ZNF333: variants seen among roughly 807,000 people sequenced by gnomAD.
The protein encoded by ZNF333 is zinc finger protein 333.
A neutral mutation model predicts 76.1 loss-of-function variants in ZNF333; 61 were observed. The ratio of observed to expected loss-of-function variants is 0.80; its 90% CI spans 0.65 to 0.99. The LOEUF (loss-of-function observed/expected upper bound fraction) is 0.99, where lower values mean the gene tolerates loss of function less well. ZNF333 is among the 50% of genes least tolerant of loss of function. The pLI, the probability that ZNF333 is intolerant of heterozygous loss-of-function variation, is 0.00. For synonymous variants in ZNF333, 284 were observed against 305.0 expected (o/e 0.93, Z 0.72); for missense variants, 717 against 822.4 (o/e 0.87, Z 1.57).
chr19:14,705,938 G>T (rs553902046), intron 6 of ZNF333, among the ~76,000 whole-genome samples: 1 of 152,108 alleles, frequency 6.6e-6, no homozygotes, highest in African/African-American at 2.4e-5. Flanking sequence ...CTGCTGTAAG[G>T]CACGTCCTGA....
chr19:14,720,685 A>G lies in ZNF333; in HGVS notation c.*1360A>G. On this transcript the variant is annotated 3_prime_UTR_variant, in exon 12 of 12. Coordinates refer to ENST00000292530, the MANE Select transcript of ZNF333 (RefSeq NM_032433.4). The stretch of plus-strand genomic sequence containing the variant: ...ATGCACTTAGTATATGTCAGTTTTT[A>G]TAAATGCTTCATGGATGGTTGAAAT... 1.0e-6 allele frequency: 1 copy of G among 985,410 alleles called. No homozygotes were observed. Among genetic ancestry groups the G allele is most frequent in the African/African-American group, 1.7e-5 (1 of 57,364 alleles). 61.0% of individuals were successfully genotyped at this position (985,410 alleles called of 1,614,324 possible). A position where few individuals can be genotyped will look rare whatever the true frequency, so the allele number is the denominator to read the frequency against.
At position 14,715,519 on chromosome 19, in the gene ZNF333, T is replaced by A. The variant is rs568300434; in HGVS notation, c.600+49T>A. 1.9e-6 allele frequency: 3 copies of A among 1,555,198 alleles called. No homozygotes were observed. In the Admixed American group the frequency reaches 5.1e-5, roughly 27 times the overall value. On this transcript the variant is annotated intron_variant, in intron 8 of 11. Coordinates refer to ENST00000292530, the MANE Select transcript of ZNF333 (RefSeq NM_032433.4). ...AAAGAACACTGCTGTGCCCAAAGGC[T>A]GGACTTACCTTCTTCCTGTGACCTG...
rs755595410 is a variant in ZNF333 at position 14,718,268 on chromosome 19, A to T, written c.941A>T (p.Glu314Val). 43 of 1,613,726 alleles carry T rather than the reference A, an allele frequency of 2.7e-5. No homozygotes were observed. Among genetic ancestry groups the T allele is most frequent in the Non-Finnish European group, 3.6e-5 (43 of 1,179,858 alleles). The change falls in exon 12 of 12, where the codon GAA becomes GTA. Residue 314 changes from glutamate to valine, a missense_variant. By Grantham distance (121) the Glu-to-Val change is moderately radical. Transcript: ENST00000292530. Reference protein sequence around the residue: ...QPGEKLYKYNELEKPFNSIEP... With the variant: ...QPGEKLYKYNVLEKPFNSIEP... ...GGAGAAAAACTCTATAAATATAATG[A>T]ACTTGAGAAACCTTTTAACAGCATT...
At chr19:14,724,698 G>A (rs908688171), downstream of ZNF333, among the ~76,000 whole-genome samples, 4 of 149,806 alleles carry the variant, frequency 2.7e-5, no homozygotes, top group African/African-American at 5.0e-5. Flanking sequence ...CCCAGGAGGC[G>A]GAGGTTGCAG....
chr19:14,724,200 G>A (rs2042619869), downstream of ZNF333, among the ~76,000 whole-genome samples: 1 of 152,162 alleles, frequency 6.6e-6, no homozygotes. Flanking sequence ...CAGGTCTGGG[G>A]ACAAAACAAG....
Position 14,695,777 on chromosome 19 carries a change from C to T in ZNF333, c.223+116C>T, listed in dbSNP as rs548340451. 34 of 809,356 alleles carry T rather than the reference C, an allele frequency of 4.2e-5. No homozygotes were observed. The Middle Eastern group carries it at 7.7e-4, about 18-fold the overall frequency. 50.1% of individuals were successfully genotyped at this position (809,356 alleles called of 1,614,324 possible). On this transcript the variant is annotated intron_variant, in intron 4 of 11. Transcript: ENST00000292530. ...TTCTGAGGGGACATCGAAGGCCATT[C>T]GGAGTGAGGTTTCTCAAGTTCCTTT...
At chr19:14,715,865 G>T (rs1484117853) in intron 8 of ZNF333, among the ~76,000 whole-genome samples, 1 of 152,194 alleles carries the variant, frequency 6.6e-6, no homozygotes, top group African/African-American at 2.4e-5. Context: ...GATAAGTCCT[G>T]TCCAGAGGTC....
downstream of ZNF333, among the ~76,000 whole-genome samples, chr19:14,725,837 GC>G (rs1254142816): frequency 6.6e-6 from 1 of 152,218 alleles, no homozygotes; most frequent in African/African-American, 2.4e-5. Flanking sequence ...TTGAGTGCCT[GC>G]AGGTTTTTCA....
chr19:14,696,456 G>A (rs1445147829), intron 4 of ZNF333, among the ~76,000 whole-genome samples: 2 of 152,042 alleles, frequency 1.3e-5, no homozygotes, highest in African/African-American at 2.4e-5. Context: ...TTTGGTATCC[G>A]GCTTAGTATA....
At chr19:14,710,796 A>T (rs1174098250) in intron 7 of ZNF333, among the ~76,000 whole-genome samples, 1 of 152,112 alleles carries the variant, frequency 6.6e-6, no homozygotes, top group Non-Finnish European at 1.5e-5. Flanking sequence ...AAAAAAATAA[A>T]TAAAAGTAAA....
chr19:14,716,076 G>A, intron 8 of ZNF333, 36 bp from the exon 9 acceptor site: 2 of 1,612,944 alleles, frequency 1.2e-6, no homozygotes. Flanking sequence ...TGGTGGGGGT[G>A]GTCCCTGGCT....
chr19:14,705,328 T>A (rs2042077793), intron 6 of ZNF333, among the ~76,000 whole-genome samples, 158 bp downstream of exon 6: 1 of 152,038 alleles, frequency 6.6e-6, no homozygotes, highest in Non-Finnish European at 1.5e-5. Context: ...TCTGTTTCTG[T>A]GTTGAATATA....
downstream of ZNF333, among the ~76,000 whole-genome samples, chr19:14,723,465 T>C (rs553295567): frequency 6.6e-6 from 1 of 152,350 alleles, no homozygotes; most frequent in East Asian, 1.9e-4. Context: ...TCTGCAAAAA[T>C]ATTAAGTCAT....
chr19:14,703,198 G>A (rs539758993), intron 5 of ZNF333, among the ~76,000 whole-genome samples: 53 of 119,350 alleles, frequency 4.4e-4, no homozygotes, highest in Admixed American at 3.1e-3. Context: ...GCAAGACTCC[G>A]TCTCAAAAAA....
At chr19:14,706,006 G>A (rs754516923) in intron 6 of ZNF333, 15 of 435,954 alleles carry the variant, frequency 3.4e-5, no homozygotes, top group Middle Eastern at 3.4e-4. Flanking sequence ...TCCCTCCCCC[G>A]AGGGACCTGC....
intron 11 of ZNF333, among the ~76,000 whole-genome samples, chr19:14,727,193 A>G (rs977462424): frequency 2.0e-5 from 3 of 151,950 alleles, no homozygotes; most frequent in African/African-American, 4.8e-5. Context: ...ACGCCTGGCT[A>G]ATTTTTTTGT....
rs147799748 is a variant in ZNF333 at position 14,694,961 on chromosome 19, CAGT to C, written c.4-48_4-46del. 17 of 1,611,114 alleles carry C rather than the reference CAGT, an allele frequency of 1.1e-5. No individual in the cohort carries two copies. The East Asian group carries it at 1.8e-4, about 17-fold the overall frequency. ...TCCAGTGATAACCAGTCGTTCTGCT[CAGT>C]GGTGGGGGTGGTATTTGCCGAGCCA... On this transcript the variant is annotated intron_variant, in intron 2 of 11. Coordinates refer to ENST00000292530, the MANE Select transcript of ZNF333 (RefSeq NM_032433.4).
Position 14,720,593 on chromosome 19 carries a change from C to T in ZNF333, c.*1268C>T, listed in dbSNP as rs2147030781. On this transcript the variant is annotated 3_prime_UTR_variant, in exon 12 of 12. Coordinates refer to ENST00000292530, the MANE Select transcript of ZNF333 (RefSeq NM_032433.4). ...GAAAAATATGCACTTCTTACTGGTA[C>T]AGTTTTCTTTTGTTTGTTTTTGTTT... The T allele has an allele frequency of 1.0e-6, 1 of 985,352 alleles. No homozygotes were observed. The highest frequency in any genetic ancestry group is 1.2e-6 in the Non-Finnish European group (1 of 829,916). The allele number at this position is 985,352 out of a possible 1,614,324, so 61.0% of individuals were successfully genotyped here. A position where few individuals can be genotyped will look rare whatever the true frequency, so the allele number is the denominator to read the frequency against.
At chr19:14,703,445 A>G (rs1410472839) in intron 5 of ZNF333, among the ~76,000 whole-genome samples, 1 of 152,194 alleles carries the variant, frequency 6.6e-6, no homozygotes, top group Admixed American at 6.5e-5. Context: ...AGTTTCTTTA[A>G]GTTGAGTGAC....
Sources: allele counts gnomAD v4.1 joint callset (sites outside exome capture counted in the v4.1 genomes callset), GRCh38; gene constraint gnomAD v4.1.1; transcripts MANE v1.5; gene names NCBI Gene and HGNC (gene_info 2026-07-23, HGNC 2026-07-21).